Variants in ENPP1 observed in about 807,000 individuals in gnomAD.
ENPP1 encodes the protein ectonucleotide pyrophosphatase/phosphodiesterase 1, also known as ectonucleotide pyrophosphatase/phosphodiesterase family member 1.
A neutral mutation model predicts 122.8 loss-of-function variants in ENPP1; 73 were observed. The ratio of observed to expected loss-of-function variants is 0.59; its 90% confidence interval spans 0.49 to 0.72. The LOEUF is 0.72. Among genes scored for constraint, ENPP1 ranks in the 30% least tolerant of loss-of-function variants. The pLI is 0.00. For missense variants in ENPP1, 978 were observed against 1,128.1 expected (o/e 0.87, Z 1.91); for synonymous variants, 367 against 391.6 (o/e 0.94, Z 0.74).
chr6:131,822,251 T>C (rs1433568332), intron 1 of ENPP1, among the ~76,000 whole-genome samples: 1 of 152,226 alleles, frequency 6.6e-6, no homozygotes, highest in Non-Finnish European at 1.5e-5. Context: ...TTGAGTATTA[T>C]GGAATGATTC....
At chr6:131,875,235 A>G (rs1231342744) in intron 16 of ENPP1, among the ~76,000 whole-genome samples, 3 of 152,216 alleles carry the variant, frequency 2.0e-5, no homozygotes, top group African/African-American at 4.8e-5. Flanking sequence ...ATAAAATTTT[A>G]TATTCATGTT....
At chr6:131,854,082 T>C (rs1457558763) in intron 5 of ENPP1, among the ~76,000 whole-genome samples, 1 of 152,176 alleles carries the variant, frequency 6.6e-6, no homozygotes, top group Non-Finnish European at 1.5e-5. Context: ...AGTATTTATA[T>C]CTTTTAAATA....
intron 19 of ENPP1, among the ~76,000 whole-genome samples, chr6:131,879,444 A>G (rs979934117): frequency 3.9e-5 from 6 of 152,178 alleles, no homozygotes; most frequent in African/African-American, 1.4e-4. Context: ...AGGGCAATAA[A>G]TAATATCTAT....
intron 1 of ENPP1, among the ~76,000 whole-genome samples, chr6:131,836,629 CAAATTAG>C (rs1216257672): frequency 1.3e-5 from 2 of 152,044 alleles, no homozygotes; most frequent in Non-Finnish European, 2.9e-5. Flanking sequence ...GACACTGACA[CAAATTAG>C]AAGCAAGTAC....
chr6:131,808,228 C>G lies in ENPP1; in HGVS notation c.193C>G (p.Arg65Gly), dbSNP rs1007288220. 2.4e-5 allele frequency: 37 copies of G among 1,515,354 alleles called. No individual in the cohort carries two copies. The African/African-American group carries it at 4.9e-4, about 20-fold the overall frequency. 93.9% of individuals were successfully genotyped at this position (1,515,354 alleles called of 1,614,324 possible). A position where few individuals can be genotyped will look rare whatever the true frequency, so the allele number is the denominator to read the frequency against. The change falls in exon 1 of 25, where the codon CGC becomes GGC. Residue 65 changes from arginine (R) to glycine (G), a missense_variant. Arg to Gly is a moderately radical substitution (Grantham distance 125). This residue lies in a region of ENPP1 where 330 missense variants were observed against 328.5 expected (regional missense o/e 1.00). Coordinates refer to ENST00000647893, the MANE Select transcript of ENPP1 (RefSeq NM_006208.3). ...GGAGGAGCCGCTGGAGAAGGCGGCG[C>G]GCGCCCGCACTGCCAAGGACCCCAA... ...VGEEPLEKAA[R>G]ARTAKDPNTY...
At chr6:131,834,735 CATTTTAGTAGAG>C in intron 1 of ENPP1, among the ~76,000 whole-genome samples, 1 of 131,530 alleles carries the variant, frequency 7.6e-6, no homozygotes, top group Non-Finnish European at 1.7e-5. Flanking sequence ...GGGGTTTCAC[CATTTTAGTAGAG>C]ACGGGGTTTC....
chr6:131,825,298 T>C (rs183574487), intron 1 of ENPP1, among the ~76,000 whole-genome samples: 15 of 152,230 alleles, frequency 9.9e-5, no homozygotes, highest in Admixed American at 8.5e-4. Context: ...CACTGTCTTT[T>C]TGTTGTTGTT....
rs2327154 is a variant in ENPP1, at chr6:131,894,235, C to T, written c.*3724C>T. 0.47 allele frequency: 70,414 copies of T among 150,684 alleles called. 21,130 individuals carry two copies. The highest frequency in any genetic ancestry group is 0.84 in the African/African-American group (34,574 of 41,088). The allele number at this position is 150,684 out of a possible 1,614,324, so 9.3% of individuals were successfully genotyped here. ...TCCCAAAGTGCTGGGATTACAGGCTCGAGCCACTGCCTCCAGCCTATCCTG... is the reference window on the plus strand; with the variant it reads ...TCCCAAAGTGCTGGGATTACAGGCTTGAGCCACTGCCTCCAGCCTATCCTG... On this transcript the variant is annotated 3_prime_UTR_variant, in exon 25 of 25. Coordinates refer to ENST00000647893, the MANE Select transcript of ENPP1 (RefSeq NM_006208.3).
chr6:131,877,441 A>G (rs936254709), intron 18 of ENPP1: 1 of 465,128 alleles, frequency 2.1e-6, no homozygotes, highest in Non-Finnish European at 3.9e-6. Context: ...ACGGGTGTGG[A>G]GAAGTCTAGT....
At chr6:131,847,536 A>G (rs1206949162) in intron 1 of ENPP1, among the ~76,000 whole-genome samples, 2 of 152,168 alleles carry the variant, frequency 1.3e-5, no homozygotes, top group African/African-American at 2.4e-5. Flanking sequence ...TTGGAGAAAT[A>G]AAAGGATTTT....
intron 6 of ENPP1, among the ~76,000 whole-genome samples, chr6:131,855,510 G>A (rs1236630951): frequency 6.6e-6 from 1 of 151,788 alleles, no homozygotes; most frequent in Non-Finnish European, 1.5e-5. Flanking sequence ...GTTTTTAGTA[G>A]AGACAGGGTT....
chr6:131,872,545 A>G (rs1406677503), intron 14 of ENPP1, among the ~76,000 whole-genome samples: 2 of 152,132 alleles, frequency 1.3e-5, no homozygotes, highest in East Asian at 1.9e-4. Flanking sequence ...AACTCTTACA[A>G]TTGCACTTAC....
intron 1 of ENPP1, among the ~76,000 whole-genome samples, chr6:131,821,264 C>T (rs778431298): frequency 1.3e-5 from 2 of 152,200 alleles, no homozygotes; most frequent in African/African-American, 4.8e-5. Context: ...TGAGACAGCA[C>T]AGAAGGCACC....
At chr6:131,829,857 G>A (rs1301056494) in intron 1 of ENPP1, among the ~76,000 whole-genome samples, 2 of 152,256 alleles carry the variant, frequency 1.3e-5, no homozygotes, top group Non-Finnish European at 2.9e-5. Flanking sequence ...CCCGGAGCAG[G>A]GAGGACAAGG....
rs762311193 is a variant in ENPP1, at chr6:131,885,048, T to C, written c.2429T>C (p.Leu810Ser). ...DFDYDGRCDS[L>S]ENLRQKRRVI... ...GATTATGATGGACGTTGTGATTCCT[T>C]AGAGAATCTGAGGCAGTAAGAACAT... Residue 810 changes from leucine (L) to serine (S), a missense_variant, in exon 23 of 25, where the codon TTA (leucine) becomes TCA (serine). This residue lies in a region of ENPP1 where 644 missense variants were observed against 781.5 expected (regional missense o/e 0.82). Transcript: ENST00000647893. 1.9e-6 allele frequency: 3 copies of C among 1,613,904 alleles called. No homozygotes were observed. The highest frequency in any genetic ancestry group is 2.5e-6 in the Non-Finnish European group (3 of 1,179,928).
At chr6:131,810,523 G>A (rs759818342) in intron 1 of ENPP1, among the ~76,000 whole-genome samples, 10 of 129,750 alleles carry the variant, frequency 7.7e-5, no homozygotes, top group East Asian at 4.8e-4. Flanking sequence ...GACAATTGTC[G>A]TCAAAGAGCT....
At chr6:131,858,521 A>T in intron 6 of ENPP1, 147 bp from the exon 7 acceptor site, 1 of 625,062 alleles carries the variant, frequency 1.6e-6, no homozygotes. Flanking sequence ...GTGTTGCTTT[A>T]TAATTCATCC....
chr6:131,821,151 T>C (rs756871818), intron 1 of ENPP1, among the ~76,000 whole-genome samples: 7 of 152,174 alleles, frequency 4.6e-5, no homozygotes, highest in Non-Finnish European at 1.0e-4. Context: ...ATGCAGAATC[T>C]TGGGCCCCAC....
At chr6:131,824,747 C>G (rs370858767) in intron 1 of ENPP1, among the ~76,000 whole-genome samples, 111 of 152,170 alleles carry the variant, frequency 7.3e-4, no homozygotes, top group African/African-American at 2.6e-3. Flanking sequence ...AGCCACCGTG[C>G]CCAGCCGGTT....
Sources: allele counts gnomAD v4.1 joint callset (sites outside exome capture counted in the v4.1 genomes callset), GRCh38; gene constraint gnomAD v4.1.1; regional missense constraint gnomAD v4.1.1; transcripts MANE v1.5; gene names NCBI Gene and HGNC (gene_info 2026-07-23, HGNC 2026-07-21).